Variants in SUFU observed in about 807,000 individuals in gnomAD.
SUFU encodes suppressor of fused homolog.
Under a neutral mutation model 58.9 loss-of-function variants are expected in SUFU, and 7 were observed. The ratio of observed to expected loss-of-function variants is 0.12; its 90% CI spans 0.07 to 0.22. SUFU has a LOEUF of 0.22. Ranked by LOEUF, SUFU falls within the 10% of genes least tolerant of loss-of-function variation. The pLI, the probability that SUFU is intolerant of heterozygous loss-of-function variation, is 1.00. For synonymous variants in SUFU, 232 were observed against 254.8 expected, an observed-to-expected ratio of 0.91 and a Z score of 0.85; for missense variants, 451 against 641.3, an observed-to-expected ratio of 0.70 and a Z score of 3.20.
chr10:102,592,552 A>G (rs1160253537), intron 3 of SUFU, 30 bp from the exon 4 acceptor site: 1 of 1,613,518 alleles, frequency 6.2e-7, no homozygotes, highest in South Asian at 1.1e-5. Flanking sequence ...GGGGCCTTGA[A>G]CAATGAGGAT....
chr10:102,598,650 C>A (rs4917975), intron 7 of SUFU, among the ~76,000 whole-genome samples: 1 of 151,678 alleles, frequency 6.6e-6, no homozygotes, highest in Non-Finnish European at 1.5e-5. Context: ...ATCCATTCCA[C>A]TGTAACAAGT....
intron 3 of SUFU, among the ~76,000 whole-genome samples, chr10:102,570,317 C>T (rs2063147420): frequency 6.6e-6 from 1 of 152,014 alleles, no homozygotes. Flanking sequence ...TCTCGGCTCA[C>T]TGCAACCTCC....
chr10:102,568,897 A>T (rs4917972), intron 3 of SUFU, among the ~76,000 whole-genome samples: 2,748 of 16,860 alleles, frequency 0.16, 435 homozygotes, highest in East Asian at 0.49. Flanking sequence ...AAAAAAAAAA[A>T]ATATATATAT....
intron 3 of SUFU, among the ~76,000 whole-genome samples, chr10:102,571,992 A>C (rs1023872107): frequency 2.0e-5 from 3 of 152,220 alleles, no homozygotes; most frequent in African/African-American, 7.2e-5. Context: ...CAATGGAGGA[A>C]GAGTCTGACG....
At chr10:102,521,914 C>G (rs1486018628) in intron 2 of SUFU, among the ~76,000 whole-genome samples, 1 of 152,210 alleles carries the variant, frequency 6.6e-6, no homozygotes, top group African/African-American at 2.4e-5. Flanking sequence ...AAAACAATTA[C>G]TGATAATCCT....
chr10:102,553,788 G>A (rs983154089), intron 3 of SUFU, among the ~76,000 whole-genome samples: 7 of 151,906 alleles, frequency 4.6e-5, no homozygotes, highest in African/African-American at 1.2e-4. Flanking sequence ...AACCCAGACA[G>A]TGTAGCTCTG....
At chr10:102,611,908 T>G (rs2063627708) in intron 8 of SUFU, among the ~76,000 whole-genome samples, 1 of 152,192 alleles carries the variant, frequency 6.6e-6, no homozygotes, top group Non-Finnish European at 1.5e-5. Flanking sequence ...TGTGCCTCCC[T>G]GAGAGCCCCT....
In SUFU at chr10:102,617,740, C is replaced by T. The variant is rs1485620042; in HGVS notation, c.1296+312C>T. The stretch of plus-strand genomic sequence containing the variant: ...GGTTGGAGGGATATAAGACTTTCTG[C>T]ACCTTGGGTAAACCAAGGTACAAGA... On this transcript the variant is annotated intron_variant, in intron 10 of 11. Transcript: ENST00000369902. The surrounding 1 kb of genome is among the most constrained non-coding windows in gnomAD (Gnocchi z 4.4). The T allele has an allele frequency of 1.1e-5, 6 of 570,194 alleles. No homozygotes were observed. The highest frequency in any genetic ancestry group is 7.5e-5 in the South Asian group (3 of 40,250). 35.3% of individuals were successfully genotyped at this position (570,194 alleles called of 1,614,324 possible). A position where few individuals can be genotyped will look rare whatever the true frequency, so the allele number is the denominator to read the frequency against.
intron 3 of SUFU, among the ~76,000 whole-genome samples, chr10:102,562,441 T>C (rs1330083266): frequency 6.6e-6 from 1 of 152,100 alleles, no homozygotes; most frequent in Non-Finnish European, 1.5e-5. Flanking sequence ...GAGAATTGCT[T>C]GAACCTGGGA....
intron 2 of SUFU, among the ~76,000 whole-genome samples, chr10:102,534,233 C>T (rs180724753): frequency 9.2e-5 from 14 of 152,186 alleles, no homozygotes; most frequent in Admixed American, 5.2e-4. Flanking sequence ...TCGAGACCAC[C>T]CTGGCTAACA....
At chr10:102,518,132 C>T (rs1172051778) in intron 2 of SUFU, among the ~76,000 whole-genome samples, 1 of 152,112 alleles carries the variant, frequency 6.6e-6, no homozygotes, top group Non-Finnish European at 1.5e-5. Flanking sequence ...CAATTATAGC[C>T]CTTACTTTGT....
At chr10:102,578,292 T>G (rs1391298867) in intron 3 of SUFU, among the ~76,000 whole-genome samples, 2 of 148,828 alleles carry the variant, frequency 1.3e-5, no homozygotes, top group South Asian at 2.1e-4. Flanking sequence ...ACAAAGAGGC[T>G]TGGGGCCAGG....
chr10:102,627,933 C>A (rs528563595), intron 11 of SUFU, among the ~76,000 whole-genome samples: 8 of 152,198 alleles, frequency 5.3e-5, no homozygotes, highest in South Asian at 2.1e-4. Context: ...TCCCCTCCCC[C>A]GCTCCTGCCC....
chr10:102,559,526 A>G (rs977656039), intron 3 of SUFU, among the ~76,000 whole-genome samples: 1 of 152,246 alleles, frequency 6.6e-6, no homozygotes, highest in Admixed American at 6.5e-5. Flanking sequence ...AGCCTGTGGC[A>G]TGAGTCGTTT....
chr10:102,603,664 A>G (rs1014352857), intron 8 of SUFU, among the ~76,000 whole-genome samples: 2 of 152,168 alleles, frequency 1.3e-5, no homozygotes, highest in Non-Finnish European at 2.9e-5. Flanking sequence ...GAGAATTAAG[A>G]TTCTGTACCA....
chr10:102,586,195 A>T (rs997762182), intron 3 of SUFU, among the ~76,000 whole-genome samples: 5 of 151,800 alleles, frequency 3.3e-5, no homozygotes, highest in African/African-American at 1.2e-4. Flanking sequence ...AGCTATTTGT[A>T]TGTCTTCTTT....
intron 2 of SUFU, among the ~76,000 whole-genome samples, chr10:102,530,060 G>C (rs1291507525): frequency 6.6e-6 from 1 of 152,140 alleles, no homozygotes; most frequent in Admixed American, 6.6e-5. Flanking sequence ...TGAGATGAGT[G>C]TTCTTCTCCC....
chr10:102,575,705 G>A (rs1253380847), intron 3 of SUFU, among the ~76,000 whole-genome samples: 1 of 152,148 alleles, frequency 6.6e-6, no homozygotes, highest in Non-Finnish European at 1.5e-5. Context: ...TAGCTTCCTG[G>A]CATGTCCAGA....
intron 2 of SUFU, among the ~76,000 whole-genome samples, chr10:102,539,241 G>A (rs2062773452): frequency 1.3e-5 from 2 of 152,168 alleles, no homozygotes; most frequent in Non-Finnish European, 2.9e-5. Context: ...ATGACCTTTT[G>A]AAGAGTACAG....
Sources: allele counts gnomAD v4.1 joint callset (sites outside exome capture counted in the v4.1 genomes callset), GRCh38; gene constraint gnomAD v4.1.1; non-coding constraint Gnocchi (gnomAD v3.1); transcripts MANE v1.5; gene names NCBI Gene and HGNC (gene_info 2026-07-23, HGNC 2026-07-21).